The following PPP1R12B variants were observed in gnomAD, a reference collection of about 807,000 sequenced individuals.
The protein encoded by PPP1R12B is protein phosphatase 1 regulatory subunit 12B.
PPP1R12B carries 76 observed loss-of-function variants against 126.1 expected under a neutral mutation model. That is an observed-to-expected ratio of 0.60 (90% confidence interval 0.50 to 0.73). The LOEUF is 0.73. PPP1R12B is among the 30% of genes least tolerant of loss of function. The probability of loss-of-function intolerance (pLI) is 0.00; values close to 1 mark genes in which losing one functional copy is unlikely to be tolerated. For synonymous variants in PPP1R12B, 356 were observed against 434.7 expected, an observed-to-expected ratio of 0.82 and a Z score of 2.25; for missense variants, 1,052 against 1,205.1, an observed-to-expected ratio of 0.87 and a Z score of 1.88.
chr1:202,546,255 G>C (rs1443415933), intron 18 of PPP1R12B, among the ~76,000 whole-genome samples: 1 of 152,196 alleles, frequency 6.6e-6, no homozygotes, highest in Non-Finnish European at 1.5e-5. Context: ...GAGCCTGAGA[G>C]AGGGCAGAGT....
rs1176928834 is a variant in PPP1R12B, at chr1:202,588,756, A to G, written c.*8196A>G. 1 of 152,030 alleles carries G rather than the reference A, an allele frequency of 6.6e-6. No individual in the cohort carries two copies. The highest frequency in any genetic ancestry group is 1.5e-5 in the Non-Finnish European group (1 of 68,022). The allele number at this position is 152,030 out of a possible 1,614,324, so 9.4% of individuals were successfully genotyped here. ...ATGGCCACTGAGAAGGGTCTCTGGT[A>G]GTATCAAGGAATTTCCTAAATGGAG... On this transcript the variant is annotated 3_prime_UTR_variant, in exon 24 of 24. Coordinates refer to ENST00000608999, the MANE Select transcript of PPP1R12B (RefSeq NM_002481.4).
In PPP1R12B at chr1:202,486,440, A is replaced by G. The variant is rs574740294; in HGVS notation, c.1851-2093A>G. ...ATATAGACAAAATAGAAAATTTCTT[A>G]AAAAACAATTACCAAAACAGAAAAT... On this transcript the variant is annotated intron_variant, in intron 13 of 23. Transcript: ENST00000608999. Among the ~76,000 whole-genome samples the G allele has an allele frequency of 1.7e-4, 26 of 152,310 alleles. No individual in the cohort carries two copies. The East Asian group carries it at 4.0e-3, about 24-fold the overall frequency.
chr1:202,361,404 A>C (rs1227810918), intron 1 of PPP1R12B, among the ~76,000 whole-genome samples: 1 of 152,224 alleles, frequency 6.6e-6, no homozygotes, highest in Non-Finnish European at 1.5e-5. Flanking sequence ...GGTGCATCAC[A>C]TAGAGCAGGA....
rs947200758 is a variant in PPP1R12B, at chr1:202,586,870, G to A, written c.*6310G>A. On this transcript the variant is annotated 3_prime_UTR_variant, in exon 24 of 24. Coordinates refer to ENST00000608999, the MANE Select transcript of PPP1R12B (RefSeq NM_002481.4). ...TACCTAAAAAGGTTTAGCAATTTGG[G>A]GATAACTCTTGGATCTAGCTTATGT... The A allele has an allele frequency of 2.0e-5, 3 of 152,306 alleles. No homozygotes were observed. Among genetic ancestry groups the A allele is most frequent in the East Asian group, 1.9e-4 (1 of 5,186 alleles). 9.4% of individuals were successfully genotyped at this position (152,306 alleles called of 1,614,324 possible).
intron 1 of PPP1R12B, among the ~76,000 whole-genome samples, chr1:202,374,585 G>T (rs940932988): frequency 7.9e-6 from 1 of 127,360 alleles, no homozygotes; most frequent in Non-Finnish European, 1.6e-5. Flanking sequence ...TGCAACCTCC[G>T]CCTCCCAGGT....
intron 18 of PPP1R12B, among the ~76,000 whole-genome samples, chr1:202,515,625 G>A (rs1408451824): frequency 1.3e-5 from 2 of 152,134 alleles, no homozygotes; most frequent in Non-Finnish European, 2.9e-5. Context: ...AGTGCATGGT[G>A]TGATCACGGG....
chr1:202,507,646 A>G (rs1680970968), intron 18 of PPP1R12B, among the ~76,000 whole-genome samples: 1 of 152,226 alleles, frequency 6.6e-6, no homozygotes, highest in Admixed American at 6.5e-5. Context: ...ATCATTGTCA[A>G]CTTGAGCATT....
rs1046269 is a variant in PPP1R12B at position 202,590,625 on chromosome 1, G to T, written c.*10065G>T. 0.1 allele frequency: 15,185 copies of T among 150,186 alleles called. 962 individuals carry two copies. Among genetic ancestry groups the T allele is most frequent in the Middle Eastern group, 0.18 (53 of 294 alleles). The allele number at this position is 150,186 out of a possible 1,614,324, so 9.3% of individuals were successfully genotyped here. On this transcript the variant is annotated 3_prime_UTR_variant, in exon 24 of 24. Transcript: ENST00000608999. ...TTTCAGCTCATTTCTTTAATAAGGA[G>T]ACGCAGTTCATTACAAAATAACAAT...
At chr1:202,368,420 C>G (rs746875787) in intron 1 of PPP1R12B, among the ~76,000 whole-genome samples, 6 of 152,178 alleles carry the variant, frequency 3.9e-5, no homozygotes, top group Non-Finnish European at 7.3e-5. Flanking sequence ...CAGTGCCATG[C>G]TTGTGCAGCC....
intron 18 of PPP1R12B, among the ~76,000 whole-genome samples, chr1:202,548,808 CTATATATA>C (rs370219273): frequency 0.045 from 3,286 of 72,884 alleles, 73 homozygotes; most frequent in South Asian, 0.096. Flanking sequence ...CTCTCTCTCT[CTATATATA>C]TATATATATA....
Position 202,419,876 on chromosome 1 carries a change from C to T in PPP1R12B, c.423-2744C>T, listed in dbSNP as rs2148627486. 6.6e-6 allele frequency among the ~76,000 whole-genome samples: 1 copy of T among 152,230 alleles called. No individual in the cohort carries two copies. The highest frequency in any genetic ancestry group is 1.9e-4 in the East Asian group (1 of 5,188). On this transcript the variant is annotated intron_variant, in intron 2 of 23. Coordinates refer to ENST00000608999, the MANE Select transcript of PPP1R12B (RefSeq NM_002481.4). The surrounding 1 kb of genome is among the most constrained non-coding windows in gnomAD (Gnocchi z 4.6). ...CCAGGAAACAGATCTGTGCCTTTCC[C>T]CAGAGATCAAGTTGAGATCAATACT... is the stretch of plus-strand genomic sequence containing the variant.
At chr1:202,561,955 A>T (rs1475021331) in intron 19 of PPP1R12B, among the ~76,000 whole-genome samples, 2 of 152,226 alleles carry the variant, frequency 1.3e-5, no homozygotes, top group Non-Finnish European at 2.9e-5. Flanking sequence ...CCAGTTCAGG[A>T]TGTAGCACTC....
chr1:202,353,999 AG>A (rs1322557361), intron 1 of PPP1R12B, among the ~76,000 whole-genome samples: 1 of 152,170 alleles, frequency 6.6e-6, no homozygotes, highest in Non-Finnish European at 1.5e-5. Flanking sequence ...ATTTTGAAAT[AG>A]GCAACCTGTC....
intron 13 of PPP1R12B, among the ~76,000 whole-genome samples, chr1:202,458,563 T>C (rs887552188): frequency 6.6e-6 from 1 of 152,154 alleles, no homozygotes; most frequent in South Asian, 2.1e-4. Flanking sequence ...TGGAATACAA[T>C]TGAGGGATTT....
intron 18 of PPP1R12B, among the ~76,000 whole-genome samples, chr1:202,501,269 T>C (rs1213710238): frequency 6.6e-6 from 1 of 152,208 alleles, no homozygotes; most frequent in African/African-American, 2.4e-5. Context: ...AGTAATCACA[T>C]AGAATGTTTG....
chr1:202,573,069 A>G (rs1029620668), intron 23 of PPP1R12B, among the ~76,000 whole-genome samples: 14 of 152,322 alleles, frequency 9.2e-5, no homozygotes, highest in South Asian at 6.2e-4. Context: ...TACAATGACA[A>G]TTATTTGATA....
intron 18 of PPP1R12B, among the ~76,000 whole-genome samples, chr1:202,525,598 C>CTTT (rs202096559): frequency 7.5e-6 from 1 of 133,958 alleles, no homozygotes. Context: ...TTGAGAAAAG[C>CTTT]TTTTTTTTTT....
chr1:202,564,710 A>G (rs1415570135), intron 21 of PPP1R12B, among the ~76,000 whole-genome samples, 163 bp downstream of exon 21: 1 of 152,234 alleles, frequency 6.6e-6, no homozygotes, highest in Non-Finnish European at 1.5e-5. Context: ...TTAGGTTTCA[A>G]TCAGTGTTTA....
At chr1:202,493,030 G>T in intron 14 of PPP1R12B, 84 bp from the exon 15 acceptor site, 1 of 1,411,434 alleles carries the variant, frequency 7.1e-7, no homozygotes, top group South Asian at 1.3e-5. Context: ...ATAACTATTA[G>T]GTCTTTTTGG....
Sources: gnomAD v4.1 joint callset for allele counts (sites outside exome capture counted in the v4.1 genomes callset) on GRCh38, gnomAD v4.1.1 for gene constraint, Gnocchi (gnomAD v3.1) non-coding constraint, MANE v1.5 for transcripts, NCBI Gene and HGNC (gene_info 2026-07-23, HGNC 2026-07-21) for gene names.